PWWP3A: variants seen among roughly 807,000 people sequenced by gnomAD.
PWWP3A encodes the protein PWWP domain-containing DNA repair factor 3A.
A neutral mutation model predicts 79.0 loss-of-function variants in PWWP3A; 53 were observed. The observed-to-expected ratio is 0.67, with a 90% CI of 0.54 to 0.84. The LOEUF (loss-of-function observed/expected upper bound fraction) is 0.84, where lower values mean the gene tolerates loss of function less well. Ranked by LOEUF, PWWP3A falls within the 40% of genes least tolerant of loss-of-function variation. PWWP3A has a pLI of 0.00. For missense variants in PWWP3A, 973 were observed against 948.0 expected (o/e 1.03, Z -0.35); for synonymous variants, 443 against 394.4 (o/e 1.12, Z -1.46).
chr19:1,359,036 C>T lies in PWWP3A; in HGVS notation c.214+572C>T, dbSNP rs1428341271. On this transcript the variant is annotated intron_variant, in intron 4 of 13. Transcript: ENST00000591337. ...TCCCATCCATCCGGGTGCGCTTTCT[C>T]CCAGGCCTTCAGTTTAGCACCCACC... 2.4e-5 allele frequency: 7 copies of T among 293,450 alleles called. No homozygotes were observed. The East Asian group carries it at 5.4e-4, about 23-fold the overall frequency. The allele number at this position is 293,450 out of a possible 1,614,324, so 18.2% of individuals were successfully genotyped here.
At chr19:1,374,681 G>C (rs1381934683) in intron 13 of PWWP3A, among the ~76,000 whole-genome samples, 1 of 152,156 alleles carries the variant, frequency 6.6e-6, no homozygotes, top group Non-Finnish European at 1.5e-5. Flanking sequence ...CTAAGCAATT[G>C]TTATAATTTT....
At position 1,369,381 on chromosome 19, in the gene PWWP3A, C is replaced by T. The variant is rs756978238; in HGVS notation, c.1498+41C>T. The T allele has an allele frequency of 7.5e-5, 119 of 1,595,202 alleles. No homozygotes were observed. The highest frequency in any genetic ancestry group is 1.3e-4 in the Admixed American group (8 of 59,876). ...GGGAGGGGTGGAGCTGGGCAGCAGG[C>T]GTCCAGCCTCTGAAGACCCCTTGGA... is the stretch of plus-strand genomic sequence containing the variant. On this transcript the variant is annotated intron_variant, in intron 10 of 13. Coordinates refer to ENST00000591337, the MANE Select transcript of PWWP3A (RefSeq NM_001369789.1). This position sits in a 1 kb window ranked among gnomAD's most constrained non-coding sequence, Gnocchi z 4.0.
At chr19:1,376,216 C>A (rs1267337044) in intron 13 of PWWP3A, among the ~76,000 whole-genome samples, 5 of 150,120 alleles carry the variant, frequency 3.3e-5, no homozygotes, top group African/African-American at 1.2e-4. Flanking sequence ...AGCACCACCT[C>A]CCGGTTTCAA....
chr19:1,375,529 TTATA>T (rs1451339335), intron 13 of PWWP3A, among the ~76,000 whole-genome samples: 2 of 113,496 alleles, frequency 1.8e-5, no homozygotes, highest in Non-Finnish European at 1.7e-5. Flanking sequence ...ATCATATAAT[TTATA>T]TATTTTATAT....
At chr19:1,355,240 C>T (rs1432538697) in intron 1 of PWWP3A, 105 bp downstream of exon 1, 7 of 152,244 alleles carry the variant, frequency 4.6e-5, no homozygotes, top group Non-Finnish European at 7.3e-5. Flanking sequence ...CCTCCGGGAG[C>T]GCCCGGTCCC....
chr19:1,366,260 G>C (rs373986725), intron 7 of PWWP3A, 45 bp from the exon 8 acceptor site: 27 of 1,582,364 alleles, frequency 1.7e-5, no homozygotes, highest in East Asian at 1.3e-4. Context: ...TAAAATCCAC[G>C]ATCTCTTTTG....
rs1327451860 is a variant in PWWP3A at position 1,378,321 on chromosome 19, T to A, written c.*1745T>A. On this transcript the variant is annotated 3_prime_UTR_variant, in exon 14 of 14. Coordinates refer to ENST00000591337, the MANE Select transcript of PWWP3A (RefSeq NM_001369789.1). ...ACACATTGCCATGGTTTTGTGGGAATCACGCGCCCCTGATGGAACTTTTCT... is the reference window on the plus strand; with the variant it reads ...ACACATTGCCATGGTTTTGTGGGAAACACGCGCCCCTGATGGAACTTTTCT... The A allele has an allele frequency of 1.3e-5, 2 of 152,342 alleles. No homozygotes were observed. Among genetic ancestry groups the A allele is most frequent in the African/African-American group, 4.8e-5 (2 of 41,474 alleles). The allele number at this position is 152,342 out of a possible 1,614,324, so 9.4% of individuals were successfully genotyped here. A position where few individuals can be genotyped will look rare whatever the true frequency, so the allele number is the denominator to read the frequency against.
chr19:1,369,419 G>T lies in PWWP3A; in HGVS notation c.1498+79G>T. 6.5e-7 allele frequency: 1 copy of T among 1,542,116 alleles called. No individual in the cohort carries two copies. Among genetic ancestry groups the T allele is most frequent in the Non-Finnish European group, 8.9e-7 (1 of 1,117,538 alleles). ...AAGACCCCTTGGACGGGCTGGGCCG[G>T]AGCTGCCTGGAGGCGGGGCATATTT... On this transcript the variant is annotated intron_variant, in intron 10 of 13. Transcript: ENST00000591337. The surrounding 1 kb of genome is among the most constrained non-coding windows in gnomAD (Gnocchi z 4.0).
In PWWP3A at chr19:1,360,840, G is replaced by C; in HGVS notation, c.919G>C (p.Gly307Arg). 1 of 1,554,684 alleles carries C rather than the reference G, an allele frequency of 6.4e-7. No individual in the cohort carries two copies. The highest frequency in any genetic ancestry group is 8.7e-7 in the Non-Finnish European group (1 of 1,151,530). The change falls in exon 5 of 14, where the codon GGC (glycine) becomes CGC (arginine). Residue 307 changes from glycine to arginine, a missense_variant. Physicochemically the swap from Gly to Arg is moderately radical, Grantham distance 125 (BLOSUM62 -2). Coordinates refer to ENST00000591337, the MANE Select transcript of PWWP3A (RefSeq NM_001369789.1). The surrounding 1 kb of genome is among the most constrained non-coding windows in gnomAD (Gnocchi z 4.4). ...CPAKKRPRLD[G>R]SQRPPAVQLE... ...TGCGAAAAAGAGGCCGCGCCTGGAT[G>C]GCAGCCAAAGGCCGCCTGCCGTGCA...
chr19:1,365,311 T>C (rs2082105171), intron 7 of PWWP3A, among the ~76,000 whole-genome samples: 1 of 152,254 alleles, frequency 6.6e-6, no homozygotes, highest in Admixed American at 6.5e-5. Context: ...TCTCTGCTTC[T>C]GTCTCTGCAG....
At position 1,370,049 on chromosome 19, in the gene PWWP3A, G is replaced by T. The variant is rs139224562; in HGVS notation, c.1549+403G>T. Among the ~76,000 whole-genome samples the T allele has an allele frequency of 4.4e-4, 67 of 152,340 alleles. 2 individuals are homozygous for T. In the East Asian group the frequency reaches 0.012, roughly 28 times the overall value. On this transcript the variant is annotated intron_variant, in intron 11 of 13. Coordinates refer to ENST00000591337, the MANE Select transcript of PWWP3A (RefSeq NM_001369789.1). ...GTTCAAGACTAGCTTGATCAACAGA[G>T]CAAGACCCCATCTCTACAGAAAAAT...
intron 7 of PWWP3A, among the ~76,000 whole-genome samples, chr19:1,365,121 G>A (rs1226680417): frequency 1.3e-5 from 2 of 152,130 alleles, no homozygotes; most frequent in African/African-American, 4.8e-5. Flanking sequence ...CTCCGTCTCC[G>A]GGGGAAAGAA....
chr19:1,362,845 T>G (rs1047250242), intron 6 of PWWP3A, among the ~76,000 whole-genome samples: 3 of 152,208 alleles, frequency 2.0e-5, no homozygotes, highest in African/African-American at 7.2e-5. Flanking sequence ...TGCCTTTAGG[T>G]GCCCCTGAGC....
intron 6 of PWWP3A, among the ~76,000 whole-genome samples, chr19:1,363,424 G>T (rs187451701): frequency 6.6e-6 from 1 of 152,206 alleles, no homozygotes; most frequent in Non-Finnish European, 1.5e-5. Context: ...TCCCAGGACC[G>T]CAGGTGCTGT....
intron 7 of PWWP3A, 132 bp from the exon 8 acceptor site, chr19:1,366,173 G>A: frequency 1.3e-6 from 1 of 792,928 alleles, no homozygotes; most frequent in Admixed American, 2.4e-5. Flanking sequence ...CTCCTTGCGG[G>A]AGACTTCGCT....
Position 1,378,331 on chromosome 19 carries a change from CT to C in PWWP3A, c.*1756del, listed in dbSNP as rs1361610735. The C allele has an allele frequency of 2.6e-5, 4 of 152,330 alleles. No individual in the cohort carries two copies. Among genetic ancestry groups the C allele is most frequent in the African/African-American group, 9.6e-5 (4 of 41,474 alleles). 9.4% of individuals were successfully genotyped at this position (152,330 alleles called of 1,614,324 possible). A position where few individuals can be genotyped will look rare whatever the true frequency, so the allele number is the denominator to read the frequency against. ...ATGGTTTTGTGGGAATCACGCGCCC[CT>C]GATGGAACTTTTCTGCTGTTGTGAA... On this transcript the variant is annotated 3_prime_UTR_variant, in exon 14 of 14. Coordinates refer to ENST00000591337, the MANE Select transcript of PWWP3A (RefSeq NM_001369789.1).
In PWWP3A at chr19:1,354,984, A is replaced by AGCGGGAGCGGCG; in HGVS notation, c.-217_-216insGAGCGGCGGCGG. On this transcript the variant is annotated 5_prime_UTR_variant, in exon 1 of 14. Coordinates refer to ENST00000591337, the MANE Select transcript of PWWP3A (RefSeq NM_001369789.1). ...AAGCCCCGCCCCCGGCCCCGCGGGG[A>AGCGGGAGCGGCG]GCGGCGGCGGCGGCGGCGGCGGCGG... The AGCGGGAGCGGCG allele has an allele frequency of 6.8e-6, 1 of 147,582 alleles. No homozygotes were observed. The highest frequency in any genetic ancestry group is 2.0e-4 in the East Asian group (1 of 5,042). 9.1% of individuals were successfully genotyped at this position (147,582 alleles called of 1,614,324 possible). A position where few individuals can be genotyped will look rare whatever the true frequency, so the allele number is the denominator to read the frequency against.
At chr19:1,367,059 C>A in intron 8 of PWWP3A, 101 bp from the exon 9 acceptor site, 1 of 846,616 alleles carries the variant, frequency 1.2e-6, no homozygotes. Flanking sequence ...GCTGGTGGGG[C>A]CTCCAGCGGC....
chr19:1,356,033 C>T (rs1028250716), intron 1 of PWWP3A, among the ~76,000 whole-genome samples: 1 of 152,060 alleles, frequency 6.6e-6, no homozygotes, highest in African/African-American at 2.4e-5. Flanking sequence ...GCAGGTCTTC[C>T]GCACGGAGAT....
Sources: gnomAD v4.1 joint callset for allele counts (sites outside exome capture counted in the v4.1 genomes callset) on GRCh38, gnomAD v4.1.1 for gene constraint, Gnocchi (gnomAD v3.1) non-coding constraint, MANE v1.5 for transcripts, NCBI Gene and HGNC (gene_info 2026-07-23, HGNC 2026-07-21) for gene names.